Variants in GPC5 observed in about 807,000 individuals in gnomAD.
GPC5 encodes the protein glypican 5.
A neutral mutation model predicts 53.9 loss-of-function variants in GPC5; 47 were observed. The observed-to-expected ratio is 0.87, with a 90% CI of 0.69 to 1.11. The LOEUF (loss-of-function observed/expected upper bound fraction) is 1.11. GPC5 is among the 50% of genes most tolerant of loss of function. The pLI is 0.00. For synonymous variants in GPC5, 286 were observed against 263.3 expected, an observed-to-expected ratio of 1.09 and a Z score of -0.84; for missense variants, 748 against 713.1, an observed-to-expected ratio of 1.05 and a Z score of -0.56.
At chr13:92,461,872 CA>C (rs1878495316) in intron 7 of GPC5, among the ~76,000 whole-genome samples, 1 of 152,180 alleles carries the variant, frequency 6.6e-6, no homozygotes, top group African/African-American at 2.4e-5. Flanking sequence ...TAATTTGTTA[CA>C]ACAGCCTGAG....
chr13:92,662,105 A>T (rs1394145238), intron 7 of GPC5, among the ~76,000 whole-genome samples: 2 of 152,114 alleles, frequency 1.3e-5, no homozygotes, highest in Non-Finnish European at 2.9e-5. Context: ...CTCCCATTAC[A>T]TCTAGAGCTG....
chr13:91,955,239 A>G (rs1282138326), intron 6 of GPC5, among the ~76,000 whole-genome samples: 11 of 152,212 alleles, frequency 7.2e-5, no homozygotes, highest in Non-Finnish European at 1.0e-4. Context: ...CAGATTCTAA[A>G]TCAATTGGAG....
At chr13:91,889,087 C>T (rs2039357474) in intron 5 of GPC5, among the ~76,000 whole-genome samples, 1 of 152,178 alleles carries the variant, frequency 6.6e-6, no homozygotes, top group Non-Finnish European at 1.5e-5. Context: ...CCAGGCCAGA[C>T]AGGCACCTGA....
intron 2 of GPC5, among the ~76,000 whole-genome samples, chr13:91,508,277 A>G (rs1171145705): frequency 6.6e-6 from 1 of 152,212 alleles, no homozygotes; most frequent in Non-Finnish European, 1.5e-5. Flanking sequence ...CTGCATTTAA[A>G]GAATGGAGGT....
chr13:92,447,580 T>C (rs1401029774), intron 7 of GPC5: 3 of 152,094 alleles, frequency 2.0e-5, no homozygotes, highest in African/African-American at 7.2e-5. Context: ...AAACTTCAAA[T>C]GATGTAAATG....
intron 7 of GPC5, among the ~76,000 whole-genome samples, chr13:92,404,121 A>G (rs1008656801): frequency 3.3e-5 from 5 of 152,196 alleles, no homozygotes; most frequent in African/African-American, 4.8e-5. Flanking sequence ...AGTGATTTCA[A>G]TTGTAAGAAA....
chr13:92,550,264 A>G (rs1882267479), intron 7 of GPC5, among the ~76,000 whole-genome samples: 1 of 151,864 alleles, frequency 6.6e-6, no homozygotes, highest in African/African-American at 2.4e-5. Context: ...AGCAAGAAGG[A>G]AGCATTATTA....
intron 7 of GPC5, among the ~76,000 whole-genome samples, chr13:92,736,387 T>A (rs1888935441): frequency 1.3e-5 from 2 of 151,988 alleles, no homozygotes. Context: ...CCTGTCTATA[T>A]CTCTAAGGTC....
chr13:91,736,572 A>G (rs1209458589), intron 4 of GPC5, among the ~76,000 whole-genome samples: 1 of 151,330 alleles, frequency 6.6e-6, no homozygotes, highest in Admixed American at 6.6e-5. Flanking sequence ...TTCCTACTAT[A>G]ACCCATTAAT....
chr13:92,647,477 C>A (rs1203074823), intron 7 of GPC5, among the ~76,000 whole-genome samples: 3 of 152,086 alleles, frequency 2.0e-5, no homozygotes, highest in Admixed American at 2.0e-4. Context: ...AAATACAGCA[C>A]CCTCAGTTGA....
intron 2 of GPC5, among the ~76,000 whole-genome samples, chr13:91,521,095 G>A (rs548811719): frequency 6.6e-6 from 1 of 152,148 alleles, no homozygotes; most frequent in East Asian, 1.9e-4. Flanking sequence ...ATTATCCTTT[G>A]TTATGTGGAA....
intron 7 of GPC5, among the ~76,000 whole-genome samples, chr13:92,561,114 C>T (rs1414975747): frequency 6.6e-6 from 1 of 151,800 alleles, no homozygotes; most frequent in Non-Finnish European, 1.5e-5. Flanking sequence ...ATGGGAGTAG[C>T]CATAGTAAAA....
At chr13:91,925,911 T>G (rs1002842355) in intron 6 of GPC5, among the ~76,000 whole-genome samples, 13 of 152,208 alleles carry the variant, frequency 8.5e-5, no homozygotes, top group African/African-American at 2.9e-4. Flanking sequence ...TAGTGAAATA[T>G]TGTGATGCCA....
intron 7 of GPC5, among the ~76,000 whole-genome samples, chr13:92,695,748 A>G (rs997530631): frequency 1.3e-5 from 2 of 151,920 alleles, no homozygotes; most frequent in Non-Finnish European, 2.9e-5. Context: ...CATGTGCAGA[A>G]AGTGCAGGTT....
At chr13:92,533,877 A>G (rs1881639256) in intron 7 of GPC5, among the ~76,000 whole-genome samples, 1 of 152,160 alleles carries the variant, frequency 6.6e-6, no homozygotes, top group African/African-American at 2.4e-5. Flanking sequence ...AACTGTTTAC[A>G]TTATTAATAA....
chr13:92,846,229 AACTC>A (rs760139408), intron 7 of GPC5, among the ~76,000 whole-genome samples: 1 of 152,164 alleles, frequency 6.6e-6, no homozygotes, highest in Admixed American at 6.5e-5. Context: ...CTCTAGTGAG[AACTC>A]ACTCACTATC....
chr13:92,318,664 A>G (rs1200711472), intron 7 of GPC5, among the ~76,000 whole-genome samples: 3 of 152,180 alleles, frequency 2.0e-5, no homozygotes, highest in African/African-American at 7.2e-5. Flanking sequence ...TGTGGGATGC[A>G]TGATTCCATA....
chr13:92,767,299 C>T (rs967470780), intron 7 of GPC5, among the ~76,000 whole-genome samples: 4 of 151,936 alleles, frequency 2.6e-5, no homozygotes, highest in African/African-American at 9.7e-5. Context: ...GGTGAAACCC[C>T]GTCTCTGCTA....
At chr13:91,554,410 C>T (rs1260063664) in intron 2 of GPC5, among the ~76,000 whole-genome samples, 2 of 151,806 alleles carry the variant, frequency 1.3e-5, no homozygotes, top group African/African-American at 2.4e-5. Flanking sequence ...GACACAGACA[C>T]AGCACCACAG....
Sources: gnomAD v4.1 joint callset for allele counts (sites outside exome capture counted in the v4.1 genomes callset) on GRCh38, gnomAD v4.1.1 for gene constraint, MANE v1.5 for transcripts, NCBI Gene and HGNC (gene_info 2026-07-23, HGNC 2026-07-21) for gene names.